The following CBFA2T2 variants were observed in gnomAD, a reference collection of about 807,000 sequenced individuals.
The protein encoded by CBFA2T2 is CBFA2/RUNX1 partner transcriptional co-repressor 2.
Under a neutral mutation model 62.2 loss-of-function variants are expected in CBFA2T2, and 11 were observed. The observed-to-expected ratio is 0.18, with a 90% CI of 0.11 to 0.29. The LOEUF (loss-of-function observed/expected upper bound fraction) is 0.29. Among genes scored for constraint, CBFA2T2 ranks in the 10% least tolerant of loss-of-function variants. The pLI, the probability that CBFA2T2 is intolerant of heterozygous loss-of-function variation, is 1.00. For missense variants in CBFA2T2, 592 were observed against 774.1 expected (o/e 0.76, Z 2.79); for synonymous variants, 295 against 287.5 (o/e 1.03, Z -0.27).
At chr20:33,501,630 CTTTTTTTTTTTTTTTT>C (rs869281966) in intron 1 of CBFA2T2, among the ~76,000 whole-genome samples, 2 of 63,262 alleles carry the variant, frequency 3.2e-5, no homozygotes, top group Non-Finnish European at 5.2e-5. Flanking sequence ...CTTAGCCTTC[CTTTTTTTTTTTTTTTT>C]TTTTTTTTTT....
chr20:33,631,746 A>G (rs898237307), intron 8 of CBFA2T2, among the ~76,000 whole-genome samples: 3 of 152,170 alleles, frequency 2.0e-5, no homozygotes, highest in Non-Finnish European at 4.4e-5. Flanking sequence ...ATTCTCAACA[A>G]TGAAGGCAAT....
chr20:33,554,600 CTTTTTTT>C (rs752877501), intron 1 of CBFA2T2, among the ~76,000 whole-genome samples: 32 of 56,284 alleles, frequency 5.7e-4, no homozygotes, highest in East Asian at 9.3e-4. Context: ...TTTTTCTTTT[CTTTTTTT>C]TTTTTTTTTT....
At position 33,643,827 on chromosome 20, in the gene CBFA2T2, G is replaced by A. The variant is rs1264841433; in HGVS notation, c.1489-520G>A. 5.0e-5 allele frequency among the ~76,000 whole-genome samples: 3 copies of A among 59,704 alleles called. No individual in the cohort carries two copies. In the South Asian group the frequency reaches 1.8e-3, roughly 36 times the overall value. 39.2% of individuals were successfully genotyped at this position (59,704 alleles called of 152,430 possible). On this transcript the variant is annotated intron_variant, in intron 10 of 10. Coordinates refer to ENST00000342704, the MANE Select transcript of CBFA2T2 (RefSeq NM_001032999.3). ...TATATATATATATATAGTATATAATGTGTGTGTGTGTGTGTGTGTGTGTGT... is the reference window on the plus strand; with the variant it reads ...TATATATATATATATAGTATATAATATGTGTGTGTGTGTGTGTGTGTGTGT...
At chr20:33,623,336 C>T (rs551482570) in intron 5 of CBFA2T2, 40 bp downstream of exon 5, 42 of 1,599,988 alleles carry the variant, frequency 2.6e-5, no homozygotes, top group South Asian at 6.6e-5. Flanking sequence ...TTCCTGGAAC[C>T]GCACTGGTCC....
At chr20:33,531,612 A>G (rs149330112) in intron 1 of CBFA2T2, among the ~76,000 whole-genome samples, 1 of 152,320 alleles carries the variant, frequency 6.6e-6, no homozygotes, top group Admixed American at 6.5e-5. Context: ...CACAATCACA[A>G]AACTGTGTAG....
chr20:33,494,992 C>G lies in CBFA2T2; in HGVS notation c.34+4691C>G, dbSNP rs548195615. On this transcript the variant is annotated intron_variant, in intron 1 of 10. Coordinates refer to ENST00000342704, the MANE Select transcript of CBFA2T2 (RefSeq NM_001032999.3). ...AGTTCCAACGTTGTCTTTCTACACC[C>G]AGTGGTGAATTTTAACAATACCTCC... Among the ~76,000 whole-genome samples the G allele has an allele frequency of 2.0e-5, 3 of 152,312 alleles. No individual in the cohort carries two copies. The East Asian group carries it at 5.8e-4, about 29-fold the overall frequency.
At chr20:33,528,077 C>T (rs1174785358) in intron 1 of CBFA2T2, among the ~76,000 whole-genome samples, 1 of 152,078 alleles carries the variant, frequency 6.6e-6, no homozygotes. Context: ...ACTCCATTGT[C>T]CAGGCTGGTC....
rs567630429 is a variant in CBFA2T2, at chr20:33,607,167, T to C, written c.178+68T>C. Reference sequence around the variant, plus strand: ...TTTGGATCTAAGTGACTGACTTGTATGAAGCGTTCCACATATATTATTCAG... The same window carrying C: ...TTTGGATCTAAGTGACTGACTTGTACGAAGCGTTCCACATATATTATTCAG... On this transcript the variant is annotated intron_variant, in intron 2 of 10. Coordinates refer to ENST00000342704, the MANE Select transcript of CBFA2T2 (RefSeq NM_001032999.3). The C allele has an allele frequency of 3.5e-5, 51 of 1,462,822 alleles. No individual in the cohort carries two copies. In the African/African-American group the frequency reaches 5.1e-4, roughly 15 times the overall value. 90.6% of individuals were successfully genotyped at this position (1,462,822 alleles called of 1,614,324 possible).
chr20:33,559,896 G>A (rs1197704094), intron 1 of CBFA2T2, among the ~76,000 whole-genome samples: 2 of 152,140 alleles, frequency 1.3e-5, no homozygotes, highest in African/African-American at 4.8e-5. Flanking sequence ...AGTGATTGAT[G>A]GCCTGATTGC....
chr20:33,619,467 G>T, intron 3 of CBFA2T2, 50 bp from the exon 4 acceptor site: 2 of 1,001,154 alleles, frequency 2.0e-6, no homozygotes, highest in Non-Finnish European at 2.9e-6. Context: ...GGCACTATAA[G>T]TTTTGGAAGT....
chr20:33,542,114 T>C (rs209664), intron 1 of CBFA2T2, among the ~76,000 whole-genome samples: 17,478 of 152,200 alleles, frequency 0.11, 2,741 homozygotes, highest in African/African-American at 0.34. Flanking sequence ...CTGGACCCCC[T>C]ATTCTGATTA....
chr20:33,538,084 G>A (rs2012316005), intron 1 of CBFA2T2, among the ~76,000 whole-genome samples: 1 of 150,892 alleles, frequency 6.6e-6, no homozygotes, highest in Non-Finnish European at 1.5e-5. Flanking sequence ...TAACAGTTTA[G>A]GAGAGATACA....
chr20:33,495,027 G>C (rs1416706133), intron 1 of CBFA2T2, among the ~76,000 whole-genome samples: 1 of 152,206 alleles, frequency 6.6e-6, no homozygotes, highest in African/African-American at 2.4e-5. Flanking sequence ...CTGGGGTGGA[G>C]ATCATTGATC....
intron 4 of CBFA2T2, 67 bp downstream of exon 4, chr20:33,619,673 C>T (rs916122357): frequency 1.6e-5 from 19 of 1,199,736 alleles, no homozygotes; most frequent in African/African-American, 1.6e-4. Flanking sequence ...ATCCCTGTTA[C>T]GTGATTTAAA....
At chr20:33,534,916 CTG>C (rs2012165437) in intron 1 of CBFA2T2, among the ~76,000 whole-genome samples, 1 of 152,064 alleles carries the variant, frequency 6.6e-6, no homozygotes, top group Non-Finnish European at 1.5e-5. Flanking sequence ...TAATGAGAAA[CTG>C]TGAAATGTCG....
chr20:33,577,960 G>A (rs2013905262), intron 1 of CBFA2T2, among the ~76,000 whole-genome samples: 1 of 152,148 alleles, frequency 6.6e-6, no homozygotes, highest in African/African-American at 2.4e-5. Context: ...GTTATTTCCT[G>A]ACTTGTATTT....
At chr20:33,575,179 G>T (rs1415281944) in intron 1 of CBFA2T2, among the ~76,000 whole-genome samples, 3 of 152,168 alleles carry the variant, frequency 2.0e-5, no homozygotes, top group African/African-American at 2.4e-5. Context: ...TTCAGGATAT[G>T]CTGTTGTATC....
intron 1 of CBFA2T2, among the ~76,000 whole-genome samples, chr20:33,590,336 T>G (rs930411840): frequency 6.6e-6 from 1 of 151,276 alleles, no homozygotes; most frequent in East Asian, 1.9e-4. Flanking sequence ...AACCCTAAGG[T>G]AATTTTTTTT....
At chr20:33,512,773 C>T (rs1415725988) in intron 1 of CBFA2T2, among the ~76,000 whole-genome samples, 8 of 141,394 alleles carry the variant, frequency 5.7e-5, no homozygotes, top group African/African-American at 1.6e-4. Flanking sequence ...TTTTTGGAGA[C>T]GGAGTCTCAA....
Sources: allele counts gnomAD v4.1 joint callset (sites outside exome capture counted in the v4.1 genomes callset), GRCh38; gene constraint gnomAD v4.1.1; transcripts MANE v1.5; gene names NCBI Gene and HGNC (gene_info 2026-07-23, HGNC 2026-07-21).